CLHC1: variants seen among roughly 807,000 people sequenced by gnomAD.
CLHC1 encodes clathrin heavy chain linker domain containing 1.
Under a neutral mutation model 69.5 loss-of-function variants are expected in CLHC1, and 72 were observed. The ratio of observed to expected loss-of-function variants is 1.04; its 90% CI spans 0.86 to 1.26. CLHC1 has a LOEUF of 1.26. CLHC1 is among the 50% of genes most tolerant of loss of function. The pLI is 0.00. For missense variants in CLHC1, 790 were observed against 679.3 expected, an observed-to-expected ratio of 1.16 and a Z score of -1.81; for synonymous variants, 223 against 224.3, an observed-to-expected ratio of 0.99 and a Z score of 0.05.
At chr2:55,217,101 G>A (rs1285854625) in intron 4 of CLHC1, among the ~76,000 whole-genome samples, 2 of 152,014 alleles carry the variant, frequency 1.3e-5, no homozygotes, top group Non-Finnish European at 2.9e-5. Context: ...AGGCTGAGGT[G>A]GGAGGATCAC....
chr2:55,180,575 A>T lies in CLHC1; in HGVS notation c.1319T>A (p.Leu440Ter), dbSNP rs1669835804. ...CGLHKKAILC[L>*]CKQGQTHRVM... ...CCTATGAGTCTGACCCTGTTTACAC[A>T]AGCAAAGAATAGCTTTCTTGTGCAG... is the stretch of plus-strand genomic sequence containing the variant. The change falls in exon 11 of 13, where the codon TTG becomes TAG. Residue 440 changes from leucine (L) to a stop codon, truncating the protein, a stop_gained. Transcript: ENST00000401408. LOFTEE classifies it high-confidence loss of function. The T allele has an allele frequency of 6.2e-7, 1 of 1,614,148 alleles. No individual in the cohort carries two copies. The highest frequency in any genetic ancestry group is 2.2e-5 in the East Asian group (1 of 44,878).
chr2:55,176,138 C>T, intron 12 of CLHC1, 152 bp from the exon 13 acceptor site: 3 of 644,372 alleles, frequency 4.7e-6, no homozygotes, highest in Non-Finnish European at 7.9e-6. Flanking sequence ...ACATGCAGTG[C>T]TCAGTCAAGC....
At chr2:55,185,811 T>G (rs1414985366) in intron 9 of CLHC1, among the ~76,000 whole-genome samples, 1 of 152,190 alleles carries the variant, frequency 6.6e-6, no homozygotes, top group Non-Finnish European at 1.5e-5. Context: ...GTCTATTTAT[T>G]AAAATTTTCT....
In CLHC1 at chr2:55,222,333, C is replaced by T. The variant is rs377617626; in HGVS notation, c.79G>A (p.Val27Met). 4 of 1,613,628 alleles carry T rather than the reference C, an allele frequency of 2.5e-6. No homozygotes were observed. The highest frequency in any genetic ancestry group is 4.5e-5 in the East Asian group (2 of 44,858). Residue 27 changes from valine to methionine, a missense_variant, in exon 3 of 13, where the codon GTG becomes ATG. Val to Met is a conservative substitution (Grantham distance 21). Coordinates refer to ENST00000401408, the MANE Select transcript of CLHC1 (RefSeq NM_152385.4). ...CRSDKEFLES[V>M]QRYIITETER... ...GTTTCTGTAATTATGTATCTTTGCA[C>T]ACTTTCCAAAAATTCCTTGTCACTT... is the stretch of plus-strand genomic sequence containing the variant.
In CLHC1 at chr2:55,174,424, G is replaced by A. The variant is rs1223133661; in HGVS notation, c.*1366C>T. Among the ~76,000 whole-genome samples, 1 of 152,178 alleles carries A rather than the reference G, an allele frequency of 6.6e-6. No homozygotes were observed. Among genetic ancestry groups the A allele is most frequent in the Non-Finnish European group, 1.5e-5 (1 of 68,026 alleles). ...GAAGGATAAACATATAAATACAAAT[G>A]AGTAGACATATGGGATTTAGTAAGT... is the stretch of plus-strand genomic sequence containing the variant. On this transcript the variant is annotated 3_prime_UTR_variant, in exon 13 of 13. Coordinates refer to ENST00000401408, the MANE Select transcript of CLHC1 (RefSeq NM_152385.4).
At chr2:55,204,554 T>C (rs1307590705) in intron 9 of CLHC1, among the ~76,000 whole-genome samples, 1 of 152,184 alleles carries the variant, frequency 6.6e-6, no homozygotes. Context: ...GAAAACACTT[T>C]GGAGGTTCCT....
intron 9 of CLHC1, among the ~76,000 whole-genome samples, chr2:55,186,146 T>G (rs1670393086): frequency 6.6e-6 from 1 of 152,158 alleles, no homozygotes; most frequent in African/African-American, 2.4e-5. Flanking sequence ...GAATGAAGTC[T>G]GAATTTCAGT....
In CLHC1 at chr2:55,181,719, A is replaced by C; in HGVS notation, c.1032T>G (p.Pro344=). ...CCTCAAAAAATAAGAGTAATGGAAGAGGCTTTCCTCTAATTTTTCCAACAG... is the reference window on the plus strand; with the variant it reads ...CCTCAAAAAATAAGAGTAATGGAAGCGGCTTTCCTCTAATTTTTCCAACAG... ...FKAVGKIRGK[P]LPLLLFFEAL... is the part of the protein sequence containing the mutation. Residue 344 remains proline (P), a synonymous_variant, in exon 10 of 13, where the codon CCT becomes CCG. Coordinates refer to ENST00000401408, the MANE Select transcript of CLHC1 (RefSeq NM_152385.4). 6.2e-7 allele frequency: 1 copy of C among 1,612,832 alleles called. No individual in the cohort carries two copies. The highest frequency in any genetic ancestry group is 8.5e-7 in the Non-Finnish European group (1 of 1,179,726).
chr2:55,226,792 T>G (rs938615305), intron 2 of CLHC1, among the ~76,000 whole-genome samples: 1 of 152,224 alleles, frequency 6.6e-6, no homozygotes, highest in Non-Finnish European at 1.5e-5. Flanking sequence ...GCACCATGTC[T>G]GGGTAATTTT....
intron 9 of CLHC1, among the ~76,000 whole-genome samples, chr2:55,201,234 T>C (rs1305966335): frequency 1.4e-5 from 2 of 146,066 alleles, no homozygotes; most frequent in Admixed American, 1.4e-4. Flanking sequence ...TAAAAATCAA[T>C]GAAGAGTTTA....
In CLHC1 at chr2:55,175,784, A is replaced by G. The variant is rs751253493; in HGVS notation, c.*6T>C. 8 of 1,611,786 alleles carry G rather than the reference A, an allele frequency of 5.0e-6. No individual in the cohort carries two copies. The highest frequency in any genetic ancestry group is 6.8e-6 in the Non-Finnish European group (8 of 1,178,238). ...ACAAGCTCCCTCAGCTGGTTAAGAT[A>G]TAGAACTACCAAAACACATGTTCCA... is the stretch of plus-strand genomic sequence containing the variant. On this transcript the variant is annotated 3_prime_UTR_variant, in exon 13 of 13. Transcript: ENST00000401408.
In CLHC1 at chr2:55,206,303, G is replaced by T. The variant is rs922176786; in HGVS notation, c.973C>A (p.Leu325Ile). 1.9e-6 allele frequency: 3 copies of T among 1,609,598 alleles called. No homozygotes were observed. Residue 325 changes from leucine to isoleucine, a missense_variant, in exon 9 of 13, where the codon CTT becomes ATT. Physicochemically the swap from Leu to Ile is conservative, Grantham distance 5. Transcript: ENST00000401408. ...CYAANSPRRI[L>I]RNIGTMNTFK... is the part of the protein sequence containing the mutation. ...GTATTCATTGTACCAATGTTTCGAA[G>T]AATTCTTCTAGGACTGTTTGCTGCA...
chr2:55,217,267 G>T (rs1673612330), intron 4 of CLHC1, among the ~76,000 whole-genome samples: 2 of 150,828 alleles, frequency 1.3e-5, no homozygotes, highest in Admixed American at 6.6e-5. Flanking sequence ...TTTAATCTTA[G>T]CACTTTGGGA....
chr2:55,184,094 C>CT (rs1670176532), intron 9 of CLHC1, among the ~76,000 whole-genome samples: 1 of 8,806 alleles, frequency 1.1e-4, no homozygotes, highest in African/African-American at 9.8e-4. Context: ...TCTCTCTTTT[C>CT]TTTCTTTCTT....
At chr2:55,184,706 A>C (rs1048605630) in intron 9 of CLHC1, among the ~76,000 whole-genome samples, 1 of 152,038 alleles carries the variant, frequency 6.6e-6, no homozygotes, top group African/African-American at 2.4e-5. Flanking sequence ...GGAGTTCGAG[A>C]CCAGTCTAAC....
intron 4 of CLHC1, among the ~76,000 whole-genome samples, chr2:55,217,464 A>T (rs1673634016): frequency 7.3e-6 from 1 of 136,962 alleles, no homozygotes; most frequent in South Asian, 2.5e-4. Context: ...CAGAGGTTGC[A>T]GCGAGCCAAG....
Position 55,197,743 on chromosome 2 carries a change from C to T in CLHC1, c.1006+8527G>A, listed in dbSNP as rs1482494673. Among the ~76,000 whole-genome samples the T allele has an allele frequency of 3.3e-5, 5 of 152,204 alleles. No individual in the cohort carries two copies. The East Asian group carries it at 9.7e-4, about 29-fold the overall frequency. ...CCAAAAAGGACAGGTTCAAACAAGC[C>T]CACACTGTGAAGACTACAATAAATA... On this transcript the variant is annotated intron_variant, in intron 9 of 12. Coordinates refer to ENST00000401408, the MANE Select transcript of CLHC1 (RefSeq NM_152385.4).
rs1326508913 is a variant in CLHC1, at chr2:55,228,178, T to G, written c.-229A>C. On this transcript the variant is annotated 5_prime_UTR_variant, in exon 2 of 13. Transcript: ENST00000401408. ...CCACCACACTGCCTTAGAGACTTCC[T>G]GTTTATATTCTGTCTCATCTGTTAG... The G allele has an allele frequency of 6.6e-6, 1 of 152,298 alleles. No individual in the cohort carries two copies. Among genetic ancestry groups the G allele is most frequent in the East Asian group, 1.9e-4 (1 of 5,196 alleles). The allele number at this position is 152,298 out of a possible 1,614,324, so 9.4% of individuals were successfully genotyped here.
chr2:55,181,501 A>T, intron 10 of CLHC1, 69 bp downstream of exon 10: 2 of 1,166,138 alleles, frequency 1.7e-6, no homozygotes, highest in East Asian at 2.4e-5. Flanking sequence ...TAAAGCTATT[A>T]ATATTTTTAG....
Sources: allele counts gnomAD v4.1 joint callset (sites outside exome capture counted in the v4.1 genomes callset), GRCh38; gene constraint gnomAD v4.1.1; transcripts MANE v1.5; gene names NCBI Gene and HGNC (gene_info 2026-07-23, HGNC 2026-07-21).